PRKN: variants seen among roughly 807,000 people sequenced by gnomAD.
The protein encoded by PRKN is parkin RBR E3 ubiquitin protein ligase, also known as E3 ubiquitin-protein ligase parkin.
Under a neutral mutation model 59.5 loss-of-function variants are expected in PRKN, and 56 were observed. The ratio of observed to expected loss-of-function variants is 0.94; its 90% CI spans 0.76 to 1.18. PRKN has a LOEUF of 1.18. Ranked by LOEUF, PRKN falls within the 50% of genes most tolerant of loss-of-function variation. The pLI is 0.00. For synonymous variants in PRKN, 250 were observed against 222.1 expected, an observed-to-expected ratio of 1.13 and a Z score of -1.12; for missense variants, 657 against 596.4, an observed-to-expected ratio of 1.10 and a Z score of -1.06.
chr6:162,030,704 C>T (rs1348879705), intron 5 of PRKN, among the ~76,000 whole-genome samples: 1 of 152,240 alleles, frequency 6.6e-6, no homozygotes, highest in East Asian at 1.9e-4. Context: ...AAATGAGAGA[C>T]CTGAGACCCT....
intron 1 of PRKN, among the ~76,000 whole-genome samples, chr6:162,513,856 C>A (rs971061313): frequency 6.6e-6 from 1 of 151,986 alleles, no homozygotes; most frequent in Non-Finnish European, 1.5e-5. Context: ...GAGCTCGAGA[C>A]CAGCCTGGCT....
At chr6:162,720,278 A>ACACC (rs1778883862) in intron 1 of PRKN, among the ~76,000 whole-genome samples, 1 of 152,156 alleles carries the variant, frequency 6.6e-6, no homozygotes, top group African/African-American at 2.4e-5. Context: ...AAAATGGGTG[A>ACACC]GGCTGCTAAC....
intron 4 of PRKN, among the ~76,000 whole-genome samples, chr6:162,101,202 C>T (rs1470285451): frequency 6.6e-6 from 1 of 151,926 alleles, no homozygotes; most frequent in Non-Finnish European, 1.5e-5. Context: ...GTGAGCTTTA[C>T]AGATTCAGTT....
At chr6:162,145,384 T>C (rs1361001433) in intron 4 of PRKN, among the ~76,000 whole-genome samples, 1 of 152,192 alleles carries the variant, frequency 6.6e-6, no homozygotes, top group African/African-American at 2.4e-5. Flanking sequence ...GTTCTTTTCC[T>C]GTAAGTAAGG....
At chr6:161,912,463 A>G (rs1562385880) in intron 6 of PRKN, among the ~76,000 whole-genome samples, 3 of 151,074 alleles carry the variant, frequency 2.0e-5, no homozygotes, top group Non-Finnish European at 4.4e-5. Context: ...GCCTTCACCA[A>G]GAGAATGTGA....
At chr6:161,686,075 C>CAAA (rs34114820) in intron 7 of PRKN, among the ~76,000 whole-genome samples, 1 of 128,694 alleles carries the variant, frequency 7.8e-6, no homozygotes, top group African/African-American at 2.9e-5. Context: ...TAGAAAACAG[C>CAAA]AAAAAAAAAA....
Position 162,461,537 on chromosome 6 carries a change from A to G in PRKN, c.8-18064T>C, listed in dbSNP as rs1350051919. ...AAAAAAAAAAAAAAAAAGAAAGAAAAAGAAAAGAAAAGAAAACAAAAAAAG... is the reference window on the plus strand; with the variant it reads ...AAAAAAAAAAAAAAAAAGAAAGAAAGAGAAAAGAAAAGAAAACAAAAAAAG... On this transcript the variant is annotated intron_variant, in intron 1 of 11. Coordinates refer to ENST00000366898, the MANE Select transcript of PRKN (RefSeq NM_004562.3). Among the ~76,000 whole-genome samples, 7 of 147,096 alleles carry G rather than the reference A, an allele frequency of 4.8e-5. No homozygotes were observed. The East Asian group carries it at 1.2e-3, about 26-fold the overall frequency.
intron 10 of PRKN, among the ~76,000 whole-genome samples, chr6:161,383,690 G>A (rs1385246282): frequency 6.6e-6 from 1 of 152,178 alleles, no homozygotes; most frequent in Non-Finnish European, 1.5e-5. Context: ...GGCCTGGGGT[G>A]GTCATGGCTC....
At chr6:162,676,568 G>A (rs1779553799) in intron 1 of PRKN, among the ~76,000 whole-genome samples, 1 of 152,124 alleles carries the variant, frequency 6.6e-6, no homozygotes. Context: ...TGGGGACAGG[G>A]TATTGAATGA....
At chr6:161,723,602 G>A (rs1787317555) in intron 7 of PRKN, among the ~76,000 whole-genome samples, 1 of 152,094 alleles carries the variant, frequency 6.6e-6, no homozygotes, top group Admixed American at 6.5e-5. Flanking sequence ...ATGAAAGAAA[G>A]AAAGACAGAC....
chr6:162,652,056 G>T (rs1778465265), intron 1 of PRKN, among the ~76,000 whole-genome samples: 1 of 152,144 alleles, frequency 6.6e-6, no homozygotes, highest in South Asian at 2.1e-4. Context: ...GTAGTCCTAT[G>T]ACTTGTAGAA....
chr6:161,883,655 T>A (rs1014467761), intron 6 of PRKN, among the ~76,000 whole-genome samples: 39 of 152,086 alleles, frequency 2.6e-4, no homozygotes, highest in African/African-American at 8.2e-4. Context: ...TTTTTATTTT[T>A]ATTTTTTTTA....
chr6:162,044,470 C>T (rs992843335), intron 5 of PRKN, among the ~76,000 whole-genome samples: 2 of 152,180 alleles, frequency 1.3e-5, no homozygotes, highest in African/African-American at 2.4e-5. Flanking sequence ...TTCAGCTCAA[C>T]GTCTAATTTC....
At chr6:162,286,855 A>G (rs1235730597) in intron 2 of PRKN, among the ~76,000 whole-genome samples, 1 of 152,216 alleles carries the variant, frequency 6.6e-6, no homozygotes, top group East Asian at 1.9e-4. Flanking sequence ...ACTGGAGCTC[A>G]AAGAGATGCA....
chr6:161,626,349 C>T (rs12206113), intron 7 of PRKN, among the ~76,000 whole-genome samples: 32,853 of 152,146 alleles, frequency 0.22, 4,189 homozygotes, highest in Middle Eastern at 0.35. Context: ...AAGTGCAGAC[C>T]GAACTACCAC....
At chr6:162,128,899 C>G (rs997015823) in intron 4 of PRKN, among the ~76,000 whole-genome samples, 1 of 152,186 alleles carries the variant, frequency 6.6e-6, no homozygotes, top group Admixed American at 6.5e-5. Context: ...GAAGTTCCAG[C>G]CTCCAGAACT....
At chr6:162,123,275 T>C (rs1466074471) in intron 4 of PRKN, among the ~76,000 whole-genome samples, 1 of 152,114 alleles carries the variant, frequency 6.6e-6, no homozygotes, top group African/African-American at 2.4e-5. Flanking sequence ...CTGTTGGGTA[T>C]TTAGAGCTTT....
chr6:162,707,576 AT>A (rs11353881), intron 1 of PRKN, among the ~76,000 whole-genome samples: 77,493 of 140,420 alleles, frequency 0.55, 21,245 homozygotes, highest in East Asian at 0.67. Flanking sequence ...CAGCATCACT[AT>A]TTTTTTTTTT....
rs564863276 is a variant in PRKN at position 161,389,034 on chromosome 6, A to AT, written c.1084-2158dup. On this transcript the variant is annotated intron_variant, in intron 9 of 11. Coordinates refer to ENST00000366898, the MANE Select transcript of PRKN (RefSeq NM_004562.3). ...GAGACTTACAAGTTCTCAAACTAAT[A>AT]TTTTATAGTATAAGTTAGGAATTTA... Among the ~76,000 whole-genome samples, 455 of 152,382 alleles carry AT rather than the reference A, an allele frequency of 3.0e-3. 2 individuals carry two copies. Among genetic ancestry groups the AT allele is most frequent in the Non-Finnish European group, 4.9e-3 (331 of 68,036 alleles).
Sources: allele counts gnomAD v4.1 joint callset (sites outside exome capture counted in the v4.1 genomes callset), GRCh38; gene constraint gnomAD v4.1.1; transcripts MANE v1.5; gene names NCBI Gene and HGNC (gene_info 2026-07-23, HGNC 2026-07-21).